GABRB2: variants seen among roughly 807,000 people sequenced by gnomAD.
GABRB2 encodes gamma-aminobutyric acid receptor subunit beta-2.
A neutral mutation model predicts 54.7 loss-of-function variants in GABRB2; 16 were observed. The ratio of observed to expected loss-of-function variants is 0.29; its 90% CI spans 0.20 to 0.44. GABRB2 has a LOEUF of 0.44. Among genes scored for constraint, GABRB2 ranks in the 20% least tolerant of loss-of-function variants. GABRB2 has a pLI of 1.00. For missense variants in GABRB2, 355 were observed against 644.0 expected (o/e 0.55, Z 4.86); for synonymous variants, 244 against 233.8 (o/e 1.04, Z -0.40).
At chr5:161,503,245 A>C (rs1265543396) in intron 3 of GABRB2, among the ~76,000 whole-genome samples, 1 of 152,132 alleles carries the variant, frequency 6.6e-6, no homozygotes, top group Non-Finnish European at 1.5e-5. Context: ...AACAGATGGG[A>C]AATCTCAGCA....
At chr5:161,356,890 T>C (rs1049738064) in intron 5 of GABRB2, among the ~76,000 whole-genome samples, 13 of 152,204 alleles carry the variant, frequency 8.5e-5, no homozygotes, top group African/African-American at 3.1e-4. Context: ...CTGAGATTGC[T>C]TGTTGTGTTC....
rs1273829868 is a variant in GABRB2, at chr5:161,410,388, TCTCACACACACACACACACACACA to T, written c.541+563_541+586del. The stretch of plus-strand genomic sequence containing the variant: ...AACAAGTCAGCACAGTAAACAGAAT[TCTCACACACACACACACACACACA>T]CACACACACACTCACAATCTTGCTC... On this transcript the variant is annotated intron_variant, in intron 5 of 9. Coordinates refer to ENST00000393959, the MANE Select transcript of GABRB2 (RefSeq NM_001371727.1). Among the ~76,000 whole-genome samples the T allele has an allele frequency of 1.2e-3, 185 of 149,738 alleles. 1 individual carries two copies. Among genetic ancestry groups the T allele is most frequent in the Non-Finnish European group, 2.1e-3 (140 of 67,222 alleles).
rs547852541 is a variant in GABRB2, at chr5:161,336,283, A to G, written c.679+349T>C. ...ACTCGGGTCTCCCAATCATAATCAT[A>G]ATCAAGGGATTATGGTCAATTCTGT... On this transcript the variant is annotated intron_variant, in intron 6 of 9. Transcript: ENST00000393959. 2.6e-3 allele frequency among the ~76,000 whole-genome samples: 393 copies of G among 152,224 alleles called. 5 individuals carry two copies. Among genetic ancestry groups the G allele is most frequent in the Non-Finnish European group, 3.5e-3 (238 of 67,994 alleles).
intron 5 of GABRB2, among the ~76,000 whole-genome samples, chr5:161,378,072 A>G (rs1237301171): frequency 2.0e-5 from 3 of 152,066 alleles, no homozygotes; most frequent in African/African-American, 7.2e-5. Flanking sequence ...TCTAGTTTTC[A>G]TTTTTCTTAC....
chr5:161,530,109 G>A (rs1181830762), intron 3 of GABRB2, among the ~76,000 whole-genome samples: 1 of 151,980 alleles, frequency 6.6e-6, no homozygotes, highest in Admixed American at 6.6e-5. Context: ...ATTGAATTGG[G>A]TTTTAGTCTC....
chr5:161,362,801 A>G (rs1754852546), intron 5 of GABRB2, among the ~76,000 whole-genome samples: 1 of 152,222 alleles, frequency 6.6e-6, no homozygotes, highest in Admixed American at 6.5e-5. Flanking sequence ...TGGTCATTAG[A>G]GAAATGTAAA....
intron 3 of GABRB2, among the ~76,000 whole-genome samples, chr5:161,529,003 A>G (rs1284915850): frequency 6.6e-6 from 1 of 151,938 alleles, no homozygotes; most frequent in African/African-American, 2.4e-5. Flanking sequence ...GCTGCATCTA[A>G]AAGTCTCTTA....
At chr5:161,360,920 C>T (rs1340091431) in intron 5 of GABRB2, among the ~76,000 whole-genome samples, 2 of 151,700 alleles carry the variant, frequency 1.3e-5, no homozygotes, top group Non-Finnish European at 2.9e-5. Context: ...GGATACTGCA[C>T]CCTCACTTGA....
At chr5:161,297,926 A>G (rs153305) in intron 9 of GABRB2, among the ~76,000 whole-genome samples, 16,419 of 152,136 alleles carry the variant, frequency 0.11, 1,043 homozygotes, top group Non-Finnish European at 0.14. Context: ...CTATTTCTCC[A>G]CATCCTCTCC....
intron 5 of GABRB2, among the ~76,000 whole-genome samples, chr5:161,364,588 T>C (rs1754920128): frequency 6.6e-6 from 1 of 152,206 alleles, no homozygotes; most frequent in South Asian, 2.1e-4. Flanking sequence ...CAACTATCCA[T>C]TTCATATTTG....
intron 5 of GABRB2, among the ~76,000 whole-genome samples, chr5:161,365,518 A>G (rs1191218532): frequency 2.6e-5 from 4 of 152,194 alleles, no homozygotes; most frequent in African/African-American, 9.6e-5. Flanking sequence ...ATGTATAGTG[A>G]TTAGATTAGG....
chr5:161,545,713 T>C (rs1305124496), intron 2 of GABRB2, among the ~76,000 whole-genome samples: 1 of 151,914 alleles, frequency 6.6e-6, no homozygotes, highest in African/African-American at 2.4e-5. Flanking sequence ...TGAAGCAATA[T>C]TAAGTGAGTC....
chr5:161,457,402 C>A (rs1376836249), intron 4 of GABRB2, among the ~76,000 whole-genome samples: 1 of 151,186 alleles, frequency 6.6e-6, no homozygotes, highest in Non-Finnish European at 1.5e-5. Flanking sequence ...ATAAAGAAGC[C>A]AATTTATCAT....
At chr5:161,339,958 A>T (rs1396880035) in intron 5 of GABRB2, among the ~76,000 whole-genome samples, 2 of 151,326 alleles carry the variant, frequency 1.3e-5, no homozygotes, top group East Asian at 1.9e-4. Flanking sequence ...AGAAATGTCC[A>T]TTTTTTTTTA....
At chr5:161,419,489 C>T (rs1200553581) in intron 4 of GABRB2, among the ~76,000 whole-genome samples, 1 of 152,124 alleles carries the variant, frequency 6.6e-6, no homozygotes, top group East Asian at 1.9e-4. Flanking sequence ...AACCGCTACG[C>T]CAAAAGGATA....
chr5:161,427,924 A>G (rs577491403), intron 4 of GABRB2, among the ~76,000 whole-genome samples: 134 of 152,258 alleles, frequency 8.8e-4, no homozygotes, highest in Non-Finnish European at 1.7e-3. Context: ...CATTATTTCT[A>G]GAGCAATTAT....
At chr5:161,312,298 ATC>A (rs1435934144) in intron 9 of GABRB2, among the ~76,000 whole-genome samples, 6 of 152,208 alleles carry the variant, frequency 3.9e-5, no homozygotes, top group African/African-American at 1.2e-4. Context: ...CTTGTCAAAT[ATC>A]TCTCTCTTTC....
At chr5:161,321,103 G>A (rs1186552306) in intron 9 of GABRB2, among the ~76,000 whole-genome samples, 1 of 151,920 alleles carries the variant, frequency 6.6e-6, no homozygotes, top group African/African-American at 2.4e-5. Context: ...CTTTTAAGCA[G>A]ATGTCCCAAG....
intron 3 of GABRB2, among the ~76,000 whole-genome samples, chr5:161,544,514 G>A (rs573147871): frequency 2.0e-5 from 3 of 152,300 alleles, no homozygotes; most frequent in African/African-American, 7.2e-5. Context: ...GGGAACACAG[G>A]CTTTTTCCTC....
Sources: gnomAD v4.1 joint callset for allele counts (sites outside exome capture counted in the v4.1 genomes callset) on GRCh38, gnomAD v4.1.1 for gene constraint, MANE v1.5 for transcripts, NCBI Gene and HGNC (gene_info 2026-07-23, HGNC 2026-07-21) for gene names.